RAD51B: variants seen among roughly 807,000 people sequenced by gnomAD.
RAD51B encodes the protein RAD51 paralog B, also known as DNA repair protein RAD51 homolog 2.
In RAD51B, 38 loss-of-function variants were observed where a neutral mutation model predicts 42.2. The ratio of observed to expected loss-of-function variants is 0.90; its 90% CI spans 0.70 to 1.18. RAD51B has a LOEUF of 1.18. Ranked by LOEUF, RAD51B falls within the 50% of genes most tolerant of loss-of-function variation. The probability of loss-of-function intolerance (pLI) is 0.00; values close to 1 mark genes in which losing one functional copy is unlikely to be tolerated. For missense variants in RAD51B, 373 were observed against 400.7 expected (o/e 0.93, Z 0.59); for synonymous variants, 154 against 145.2 (o/e 1.06, Z -0.43).
intron 8 of RAD51B, among the ~76,000 whole-genome samples, chr14:68,302,799 G>C (rs12890167): frequency 0.51 from 77,574 of 152,168 alleles, 21,935 homozygotes; most frequent in South Asian, 0.65. Context: ...ATATCCTTAA[G>C]GCACAGATCA....
At chr14:67,824,058 G>A (rs2040725701) in intron 2 of RAD51B, among the ~76,000 whole-genome samples, 1 of 152,152 alleles carries the variant, frequency 6.6e-6, no homozygotes, top group Non-Finnish European at 1.5e-5. Context: ...CTCCTTAGCA[G>A]GGTAAATAAG....
intron 7 of RAD51B, among the ~76,000 whole-genome samples, chr14:68,243,284 CGAAG>C (rs1322703663): frequency 6.6e-6 from 1 of 151,876 alleles, no homozygotes; most frequent in Non-Finnish European, 1.5e-5. Flanking sequence ...TTTAAACTTG[CGAAG>C]GTTAAAAAAT....
chr14:67,829,444 A>C (rs1020079632), intron 3 of RAD51B, among the ~76,000 whole-genome samples: 1 of 151,952 alleles, frequency 6.6e-6, no homozygotes, highest in Non-Finnish European at 1.5e-5. Context: ...GGGTTTCACC[A>C]TGTTAGCCAG....
At chr14:68,629,714 T>A (rs577791680) in intron 10 of RAD51B, among the ~76,000 whole-genome samples, 2 of 152,260 alleles carry the variant, frequency 1.3e-5, no homozygotes, top group Admixed American at 6.5e-5. Context: ...GGTAGTTTGT[T>A]ATAAATCCCA....
intron 7 of RAD51B, among the ~76,000 whole-genome samples, chr14:67,949,377 CCT>C: frequency 6.6e-6 from 1 of 152,214 alleles, no homozygotes; most frequent in East Asian, 1.9e-4. Flanking sequence ...GAATAGTTTC[CCT>C]CTCAAGAAAA....
chr14:68,201,170 C>T (rs1438577450), intron 7 of RAD51B, among the ~76,000 whole-genome samples: 1 of 152,076 alleles, frequency 6.6e-6, no homozygotes, highest in Admixed American at 6.5e-5. Flanking sequence ...ATTTTTTTCT[C>T]AAGTACTGTT....
chr14:68,110,373 A>G (rs1261320597), intron 7 of RAD51B, among the ~76,000 whole-genome samples: 1 of 152,020 alleles, frequency 6.6e-6, no homozygotes, highest in African/African-American at 2.4e-5. Flanking sequence ...TCTTACCATT[A>G]TTAGTTAGGT....
intron 1 of RAD51B, among the ~76,000 whole-genome samples, chr14:67,820,733 G>A (rs2040598612): frequency 6.6e-6 from 1 of 152,174 alleles, no homozygotes; most frequent in South Asian, 2.1e-4. Context: ...CACATACCAT[G>A]TGGCTGGAGG....
intron 7 of RAD51B, among the ~76,000 whole-genome samples, chr14:68,001,336 G>A (rs979977884): frequency 1.3e-5 from 2 of 151,752 alleles, no homozygotes; most frequent in East Asian, 3.9e-4. Context: ...CCTGATTTCC[G>A]GAGACTCCAA....
intron 7 of RAD51B, among the ~76,000 whole-genome samples, chr14:68,071,276 G>A (rs771756579): frequency 6.6e-6 from 1 of 152,054 alleles, no homozygotes; most frequent in Non-Finnish European, 1.5e-5. Flanking sequence ...TTGCCTAATT[G>A]CTTTAACTAG....
At chr14:68,377,088 C>G (rs759911726) in intron 8 of RAD51B, among the ~76,000 whole-genome samples, 3 of 152,194 alleles carry the variant, frequency 2.0e-5, no homozygotes, top group Non-Finnish European at 2.9e-5. Flanking sequence ...AAAACAGATT[C>G]CTCAAGTCTT....
intron 7 of RAD51B, among the ~76,000 whole-genome samples, chr14:68,242,385 C>G (rs529550120): frequency 1.3e-5 from 2 of 152,330 alleles, no homozygotes; most frequent in East Asian, 3.9e-4. Context: ...AAGCTACTAA[C>G]ACATCTTGTT....
At chr14:67,891,965 C>T (rs1485696495) in intron 7 of RAD51B, among the ~76,000 whole-genome samples, 1 of 152,114 alleles carries the variant, frequency 6.6e-6, no homozygotes, top group East Asian at 1.9e-4. Context: ...AGTAGGAATC[C>T]TAGACCCTTG....
At chr14:67,993,756 T>C (rs1027036448) in intron 7 of RAD51B, among the ~76,000 whole-genome samples, 3 of 152,168 alleles carry the variant, frequency 2.0e-5, no homozygotes, top group African/African-American at 7.2e-5. Context: ...TTAGTGGTTT[T>C]AGGACCCTCC....
chr14:68,539,604 T>C (rs555759705), intron 10 of RAD51B, among the ~76,000 whole-genome samples: 12 of 152,264 alleles, frequency 7.9e-5, no homozygotes, highest in Middle Eastern at 3.4e-3. Flanking sequence ...TGAGCTCAGA[T>C]AGAAATAGCA....
chr14:67,826,917 A>G (rs2040855794), intron 3 of RAD51B, among the ~76,000 whole-genome samples: 1 of 152,114 alleles, frequency 6.6e-6, no homozygotes, highest in South Asian at 2.1e-4. Flanking sequence ...TTATGAGCTC[A>G]AGTGATCCTC....
At chr14:68,327,359 T>C (rs2082268702) in intron 8 of RAD51B, among the ~76,000 whole-genome samples, 1 of 142,202 alleles carries the variant, frequency 7.0e-6, no homozygotes, top group African/African-American at 2.5e-5. Context: ...AAAATGCTAT[T>C]CTTCAGTTTG....
intron 10 of RAD51B, among the ~76,000 whole-genome samples, chr14:68,501,207 G>T (rs1305295642): frequency 6.6e-6 from 1 of 152,172 alleles, no homozygotes. Context: ...AGTCAGGCAA[G>T]GCTGTGCCAC....
At chr14:68,570,338 G>T (rs921703374) in intron 10 of RAD51B, among the ~76,000 whole-genome samples, 2 of 152,194 alleles carry the variant, frequency 1.3e-5, no homozygotes, top group Non-Finnish European at 2.9e-5. Context: ...TCTCCCCGGG[G>T]TCATTTGACT....
Sources: allele counts gnomAD v4.1 joint callset (sites outside exome capture counted in the v4.1 genomes callset), GRCh38; gene constraint gnomAD v4.1.1; transcripts MANE v1.5; gene names NCBI Gene and HGNC (gene_info 2026-07-23, HGNC 2026-07-21).